PROM1: variants seen among roughly 807,000 people sequenced by gnomAD.
PROM1 encodes the protein prominin 1.
A neutral mutation model predicts 116.9 loss-of-function variants in PROM1; 105 were observed. That is an observed-to-expected ratio of 0.90 (90% CI 0.77 to 1.06). The LOEUF is 1.06. PROM1 is among the 50% of genes least tolerant of loss of function. The pLI is 0.00. For missense variants in PROM1, 1,122 were observed against 1,045.2 expected (o/e 1.07, Z -1.01); for synonymous variants, 393 against 387.0 (o/e 1.02, Z -0.18).
At chr4:15,977,027 G>C (rs1045703366) in intron 26 of PROM1, among the ~76,000 whole-genome samples, 2 of 152,202 alleles carry the variant, frequency 1.3e-5, no homozygotes, top group African/African-American at 4.8e-5. Flanking sequence ...TACAGGCCAT[G>C]CTTGATCCAG....
chr4:16,045,429 T>C (rs1736322373), intron 2 of PROM1, among the ~76,000 whole-genome samples: 3 of 152,132 alleles, frequency 2.0e-5, no homozygotes, highest in Admixed American at 6.5e-5. Flanking sequence ...ACCACCCAAC[T>C]CACGGCAGCC....
intron 4 of PROM1, among the ~76,000 whole-genome samples, 188 bp downstream of exon 4, chr4:16,035,547 T>G (rs1733758117): frequency 6.6e-6 from 1 of 152,222 alleles, no homozygotes; most frequent in Non-Finnish European, 1.5e-5. Flanking sequence ...GATCTTCCAG[T>G]GCTTTGTTGA....
chr4:16,053,367 T>A (rs1738295890), intron 2 of PROM1, among the ~76,000 whole-genome samples: 1 of 152,234 alleles, frequency 6.6e-6, no homozygotes, highest in Non-Finnish European at 1.5e-5. Context: ...CTAACTAATT[T>A]TCCTCGTTTA....
chr4:15,988,377 G>A (rs10013583), intron 19 of PROM1, among the ~76,000 whole-genome samples: 99,230 of 152,148 alleles, frequency 0.65, 32,700 homozygotes, highest in Non-Finnish European at 0.7. Flanking sequence ...TTAGACAGGA[G>A]GTTGACAAAC....
intron 23 of PROM1, among the ~76,000 whole-genome samples, chr4:15,983,984 A>G (rs557159167): frequency 5.0e-4 from 76 of 152,310 alleles, no homozygotes; most frequent in African/African-American, 1.5e-3. Flanking sequence ...AGAAATCTGC[A>G]CACCCGTGAC....
chr4:16,029,263 T>G (rs1732098234), intron 5 of PROM1, among the ~76,000 whole-genome samples: 1 of 152,140 alleles, frequency 6.6e-6, no homozygotes, highest in Admixed American at 6.6e-5. Context: ...GCCAGCTTCC[T>G]GAAAATGACT....
At position 16,038,991 on chromosome 4, in the gene PROM1, T is replaced by C; in HGVS notation, c.231A>G (p.Arg77=). The C allele has an allele frequency of 6.7e-7, 1 of 1,499,252 alleles. No homozygotes were observed. Among genetic ancestry groups the C allele is most frequent in the Non-Finnish European group, 8.9e-7 (1 of 1,123,038 alleles). 92.9% of individuals were successfully genotyped at this position (1,499,252 alleles called of 1,614,324 possible). The change falls in exon 3 of 28, where the codon AGA becomes AGG. Residue 77 remains arginine, a synonymous_variant. Transcript: ENST00000447510. ...QPRDFPEDTL[R]KFLQKAYESK... Reference sequence around the variant, plus strand: ...ATTCATATGCCTTCTGTAAGAATTTTCTCAAAGTATCTGGAAAAAAAGCCA... The same window carrying C: ...ATTCATATGCCTTCTGTAAGAATTTCCTCAAAGTATCTGGAAAAAAAGCCA...
chr4:16,015,983 T>C (rs906735135), intron 10 of PROM1, among the ~76,000 whole-genome samples, 183 bp downstream of exon 10: 1 of 152,138 alleles, frequency 6.6e-6, no homozygotes, highest in African/African-American at 2.4e-5. Flanking sequence ...TCATAGATGC[T>C]TAACAAAAAT....
At chr4:16,069,204 C>T (rs1480125664) in intron 2 of PROM1, among the ~76,000 whole-genome samples, 2 of 152,092 alleles carry the variant, frequency 1.3e-5, no homozygotes, top group Non-Finnish European at 2.9e-5. Flanking sequence ...CACTGCACTC[C>T]AGTATGGGCA....
intron 15 of PROM1, 114 bp from the exon 16 acceptor site, chr4:15,994,185 C>G: frequency 6.5e-7 from 1 of 1,531,198 alleles, no homozygotes; most frequent in Non-Finnish European, 8.8e-7. Flanking sequence ...TCTGTGAACA[C>G]AGAAGTGGGG....
At chr4:16,073,372 G>A (rs1743226270) in intron 2 of PROM1, among the ~76,000 whole-genome samples, 1 of 152,128 alleles carries the variant, frequency 6.6e-6, no homozygotes, top group African/African-American at 2.4e-5. Flanking sequence ...CTTCAATTAT[G>A]AGGGCATCTA....
At chr4:16,076,811 C>T (rs1744047791) in intron 1 of PROM1, among the ~76,000 whole-genome samples, 2 of 152,244 alleles carry the variant, frequency 1.3e-5, no homozygotes, top group South Asian at 4.1e-4. Context: ...CTCTCTGAAA[C>T]ATGTGCTGTG....
intron 13 of PROM1, among the ~76,000 whole-genome samples, chr4:16,002,617 C>T (rs1238999434): frequency 3.3e-5 from 5 of 152,154 alleles, no homozygotes; most frequent in Non-Finnish European, 7.3e-5. Flanking sequence ...CTAGGTCAGC[C>T]TGACTTTCTC....
intron 14 of PROM1, among the ~76,000 whole-genome samples, chr4:15,999,393 A>C (rs533863365): frequency 4.6e-5 from 7 of 151,754 alleles, no homozygotes; most frequent in South Asian, 2.1e-4. Flanking sequence ...ATGGCATGAA[A>C]CCGGGAGGCG....
chr4:16,020,349 C>A (rs16892815), intron 8 of PROM1, among the ~76,000 whole-genome samples: 3 of 152,246 alleles, frequency 2.0e-5, no homozygotes, highest in African/African-American at 7.2e-5. Context: ...TTAGGACTAT[C>A]GAAGAGCACC....
intron 14 of PROM1, among the ~76,000 whole-genome samples, chr4:15,999,409 G>T (rs950312997): frequency 8.6e-5 from 13 of 151,760 alleles, no homozygotes; most frequent in African/African-American, 2.2e-4. Context: ...AGGCGGAGCT[G>T]GCAGTGAGCC....
chr4:16,029,665 A>C (rs1363804484), intron 5 of PROM1, among the ~76,000 whole-genome samples: 1 of 152,214 alleles, frequency 6.6e-6, no homozygotes, highest in Non-Finnish European at 1.5e-5. Context: ...TTCACCCCCT[A>C]AAGAAAAGAT....
intron 1 of PROM1, chr4:16,082,088 T>C (rs2149621267): frequency 6.6e-6 from 1 of 152,210 alleles, no homozygotes; most frequent in Admixed American, 6.5e-5. Flanking sequence ...AGGCTAGCGA[T>C]CTAATAGGTA....
chr4:15,978,770 A>G (rs901739826), intron 26 of PROM1, among the ~76,000 whole-genome samples: 3 of 152,280 alleles, frequency 2.0e-5, no homozygotes, highest in East Asian at 1.9e-4. Flanking sequence ...ACCTCTTATA[A>G]GCAGATAGGT....
Sources: gnomAD v4.1 joint callset for allele counts (sites outside exome capture counted in the v4.1 genomes callset) on GRCh38, gnomAD v4.1.1 for gene constraint, MANE v1.5 for transcripts, NCBI Gene and HGNC (gene_info 2026-07-23, HGNC 2026-07-21) for gene names.